IL21R: variants seen among roughly 807,000 people sequenced by gnomAD.
IL21R encodes interleukin-21 receptor.
IL21R carries 14 observed loss-of-function variants against 41.3 expected under a neutral mutation model. The observed-to-expected ratio is 0.34, with a 90% CI of 0.22 to 0.53. The LOEUF (loss-of-function observed/expected upper bound fraction) is 0.53. Ranked by LOEUF, IL21R falls within the 20% of genes least tolerant of loss-of-function variation. The pLI is 0.94. For synonymous variants in IL21R, 286 were observed against 287.6 expected (o/e 0.99, Z 0.05); for missense variants, 588 against 681.6 (o/e 0.86, Z 1.53).
Position 27,446,041 on chromosome 16 carries a change from G to A in IL21R, c.820G>A (p.Glu274Lys), listed in dbSNP as rs541619894. The stretch of plus-strand genomic sequence containing the variant: ...GAAGATATGGGCCGTCCCCAGCCCT[G>A]AGCGGTTCTTCATGCCCCTGTACAA... ...WKKIWAVPSP[E>K]RFFMPLYKGC... is the part of the protein sequence containing the mutation. Residue 274 changes from glutamate (E) to lysine (K), a missense_variant, in exon 8 of 9, where the codon GAG (glutamate) becomes AAG (lysine). Transcript: ENST00000337929. The A allele has an allele frequency of 3.7e-6, 6 of 1,613,690 alleles. No homozygotes were observed. The South Asian group carries it at 4.4e-5, about 12-fold the overall frequency.
At chr16:27,404,202 T>C (rs1292835987) in intron 1 of IL21R, among the ~76,000 whole-genome samples, 1 of 152,098 alleles carries the variant, frequency 6.6e-6, no homozygotes, top group Admixed American at 6.5e-5. Flanking sequence ...TGCCCGCTCC[T>C]CTGCCAGGAG....
At position 27,448,626 on chromosome 16, in the gene IL21R, C is replaced by G. The variant is rs754546878; in HGVS notation, c.960C>G (p.His320Gln). Residue 320 changes from histidine to glutamine, a missense_variant, in exon 9 of 9, where the codon CAC becomes CAG. Coordinates refer to ENST00000337929, the MANE Select transcript of IL21R (RefSeq NM_181078.3). ...VPSTLEVYSC[H>Q]PPRSPAKRLQ... Reference sequence around the variant, plus strand: ...CCACCCTGGAGGTGTACAGCTGCCACCCACCACGGAGCCCGGCCAAGAGGC... The same window carrying G: ...CCACCCTGGAGGTGTACAGCTGCCAGCCACCACGGAGCCCGGCCAAGAGGC... The G allele has an allele frequency of 2.5e-6, 4 of 1,613,112 alleles. No individual in the cohort carries two copies. The highest frequency in any genetic ancestry group is 3.4e-6 in the Non-Finnish European group (4 of 1,180,006).
chr16:27,422,253 C>T (rs938093075), intron 1 of IL21R, among the ~76,000 whole-genome samples: 1 of 151,748 alleles, frequency 6.6e-6, no homozygotes, highest in Non-Finnish European at 1.5e-5. Flanking sequence ...TATGATATGC[C>T]TAGATGTGGT....
intron 1 of IL21R, chr16:27,403,015 C>T (rs868616259): frequency 2.8e-5 from 12 of 432,580 alleles, no homozygotes; most frequent in Non-Finnish European, 5.6e-5. Flanking sequence ...GTGTCAGTTT[C>T]TATGTCTTAC....
chr16:27,405,514 T>G (rs2086729003), intron 1 of IL21R, among the ~76,000 whole-genome samples: 2 of 151,672 alleles, frequency 1.3e-5, no homozygotes, highest in South Asian at 2.1e-4. Flanking sequence ...AGGGTGGGGG[T>G]TTTTCTAGGG....
At chr16:27,446,314 G>A (rs998352715) in intron 8 of IL21R, among the ~76,000 whole-genome samples, 5 of 152,162 alleles carry the variant, frequency 3.3e-5, no homozygotes, top group Non-Finnish European at 5.9e-5. Flanking sequence ...CAGGTGTGGT[G>A]GCTGACATCT....
intron 1 of IL21R, among the ~76,000 whole-genome samples, chr16:27,403,984 G>A (rs2086701295): frequency 6.6e-6 from 1 of 152,220 alleles, no homozygotes; most frequent in Non-Finnish European, 1.5e-5. Context: ...AGATGACATG[G>A]AGCTGGGATT....
At chr16:27,405,076 A>G (rs2141253148) in intron 1 of IL21R, among the ~76,000 whole-genome samples, 1 of 150,978 alleles carries the variant, frequency 6.6e-6, no homozygotes, top group East Asian at 1.9e-4. Context: ...TCTGTTGCCC[A>G]GGCTGGAGTG....
chr16:27,428,264 G>A (rs574218215), intron 1 of IL21R, among the ~76,000 whole-genome samples: 15 of 152,332 alleles, frequency 9.8e-5, no homozygotes, highest in Middle Eastern at 3.4e-3. Flanking sequence ...GGACTGGCCC[G>A]GAGCCACACA....
At chr16:27,421,080 G>T (rs903858190) in intron 1 of IL21R, among the ~76,000 whole-genome samples, 1 of 151,962 alleles carries the variant, frequency 6.6e-6, no homozygotes. Flanking sequence ...TTCCCCCATT[G>T]AATTGTTTTG....
intron 3 of IL21R, among the ~76,000 whole-genome samples, chr16:27,434,665 T>C (rs2087236133): frequency 6.6e-6 from 1 of 152,188 alleles, no homozygotes; most frequent in Admixed American, 6.5e-5. Flanking sequence ...GCCATGGTTT[T>C]GAGACCCCGG....
chr16:27,431,021 A>G (rs1459362616), intron 2 of IL21R, among the ~76,000 whole-genome samples: 4 of 152,134 alleles, frequency 2.6e-5, no homozygotes, highest in African/African-American at 9.7e-5. Flanking sequence ...CTGAAAGGGC[A>G]CTGCCTAGGA....
At chr16:27,427,317 C>G (rs1217020387) in intron 1 of IL21R, 4 of 985,538 alleles carry the variant, frequency 4.1e-6, no homozygotes, top group Middle Eastern at 5.2e-4. Flanking sequence ...GCAGAAGCAG[C>G]AGGTACCCCC....
chr16:27,446,205 C>G, intron 8 of IL21R, 117 bp downstream of exon 8: 1 of 683,942 alleles, frequency 1.5e-6, no homozygotes, highest in Non-Finnish European at 2.4e-6. Context: ...ATCCAGGTCT[C>G]AGCCAAGCCA....
At chr16:27,407,021 T>G (rs2086758659) in intron 1 of IL21R, among the ~76,000 whole-genome samples, 1 of 152,206 alleles carries the variant, frequency 6.6e-6, no homozygotes, top group African/African-American at 2.4e-5. Context: ...TTATTCACAC[T>G]CTGGAAGCAG....
chr16:27,428,278 G>A (rs2087111764), intron 1 of IL21R, among the ~76,000 whole-genome samples: 1 of 152,228 alleles, frequency 6.6e-6, no homozygotes. Flanking sequence ...CCACACAGCT[G>A]GTCATCTGAA....
At chr16:27,448,488 C>T in intron 8 of IL21R, 46 bp from the exon 9 acceptor site, 1 of 1,531,168 alleles carries the variant, frequency 6.5e-7, no homozygotes, top group Non-Finnish European at 8.8e-7. Flanking sequence ...AAACCCTCAC[C>T]TTACCCTCAT....
chr16:27,437,361 C>G, intron 3 of IL21R, 127 bp from the exon 4 acceptor site: 2 of 744,340 alleles, frequency 2.7e-6, no homozygotes, highest in Admixed American at 2.1e-5. Context: ...TGACCACCCC[C>G]CAGCCCTGCC....
At chr16:27,431,405 GC>G (rs2087169084) in intron 2 of IL21R, among the ~76,000 whole-genome samples, 1 of 152,128 alleles carries the variant, frequency 6.6e-6, no homozygotes, top group Admixed American at 6.6e-5. Context: ...TTGTAATGAC[GC>G]CCAGTTTTTT....
Sources: gnomAD v4.1 joint callset for allele counts (sites outside exome capture counted in the v4.1 genomes callset) on GRCh38, gnomAD v4.1.1 for gene constraint, MANE v1.5 for transcripts, NCBI Gene and HGNC (gene_info 2026-07-23, HGNC 2026-07-21) for gene names.